Variants in VSTM4 observed in about 807,000 individuals in gnomAD.
VSTM4 encodes V-set and transmembrane domain-containing protein 4.
In VSTM4, 20 loss-of-function variants were observed where a neutral mutation model predicts 36.4. That is an observed-to-expected ratio of 0.55 (90% confidence interval 0.39 to 0.80). VSTM4 has a LOEUF of 0.80. Among genes scored for constraint, VSTM4 ranks in the 30% least tolerant of loss-of-function variants. The pLI, the probability that VSTM4 is intolerant of heterozygous loss-of-function variation, is 0.00. For synonymous variants in VSTM4, 182 were observed against 173.9 expected (o/e 1.05, Z -0.37); for missense variants, 392 against 404.5 (o/e 0.97, Z 0.26).
chr10:49,049,418 G>A lies in VSTM4; in HGVS notation c.669-834C>T, dbSNP rs116343133. ...CTGCTCCGATATGAAACTTGTTCTCGGTGCTACTCATGGGCTGGAGTTCGC... is the reference window on the plus strand; with the variant it reads ...CTGCTCCGATATGAAACTTGTTCTCAGTGCTACTCATGGGCTGGAGTTCGC... On this transcript the variant is annotated intron_variant, in intron 5 of 7. Coordinates refer to ENST00000332853, the MANE Select transcript of VSTM4 (RefSeq NM_001031746.5). Among the ~76,000 whole-genome samples, 1,606 of 152,210 alleles carry A rather than the reference G, an allele frequency of 0.011. 60 individuals are homozygous for A. The South Asian group carries it at 0.12, about 12-fold the overall frequency.
intron 2 of VSTM4, among the ~76,000 whole-genome samples, chr10:49,095,802 C>G (rs182458399): frequency 1.2e-3 from 179 of 152,324 alleles, no homozygotes; most frequent in African/African-American, 3.5e-3. Context: ...CACATCTACA[C>G]CATGGCTTCT....
rs746218144 is a variant in VSTM4, at chr10:49,107,733, C to T, written c.318G>A (p.Arg106=). ...RRRLRLLEEQ[R]GALYRLSVLT... ...AGACGGAGAGCCTGTAGAGCGCCCC[C>T]CGCTGCTCCTCCAGCAGGCGCAGCC... is the stretch of plus-strand genomic sequence containing the variant. Residue 106 remains arginine, a synonymous_variant, in exon 2 of 8, where the codon CGG becomes CGA. Transcript: ENST00000332853. 2 of 1,614,100 alleles carry T rather than the reference C, an allele frequency of 1.2e-6. No homozygotes were observed. The highest frequency in any genetic ancestry group is 8.5e-7 in the Non-Finnish European group (1 of 1,180,052).
chr10:49,089,260 A>G (rs1844429171), intron 2 of VSTM4, among the ~76,000 whole-genome samples: 1 of 152,174 alleles, frequency 6.6e-6, no homozygotes, highest in Non-Finnish European at 1.5e-5. Flanking sequence ...CCATATCCAC[A>G]CTAGCTGTCT....
intron 3 of VSTM4, among the ~76,000 whole-genome samples, chr10:49,083,758 G>C (rs1275729574): frequency 1.3e-5 from 2 of 152,226 alleles, no homozygotes; most frequent in Non-Finnish European, 1.5e-5. Context: ...TGCTGATTAT[G>C]CTGTGGGGTA....
chr10:49,036,865 G>A (rs1843439209), intron 7 of VSTM4, among the ~76,000 whole-genome samples: 1 of 152,200 alleles, frequency 6.6e-6, no homozygotes, highest in African/African-American at 2.4e-5. Context: ...GGGTCCCTCT[G>A]AACAAGGATG....
At chr10:49,085,634 TGAG>T (rs1844356547) in intron 3 of VSTM4, among the ~76,000 whole-genome samples, 2 of 152,200 alleles carry the variant, frequency 1.3e-5, no homozygotes, top group Non-Finnish European at 2.9e-5. Context: ...CATCTCACTT[TGAG>T]TAAGTTTAGA....
At chr10:49,053,040 CT>C (rs1472684940) in intron 5 of VSTM4, among the ~76,000 whole-genome samples, 2 of 152,200 alleles carry the variant, frequency 1.3e-5, no homozygotes, top group African/African-American at 4.8e-5. Flanking sequence ...TTATGATTAA[CT>C]TACAAGAAAA....
intron 7 of VSTM4, among the ~76,000 whole-genome samples, chr10:49,032,221 A>G (rs1264500465): frequency 6.6e-6 from 1 of 152,246 alleles, no homozygotes; most frequent in Non-Finnish European, 1.5e-5. Flanking sequence ...CCCTTATTAT[A>G]GTCCTCATTC....
rs1844978685 is a variant in VSTM4, at chr10:49,115,440, G to C, written c.46C>G (p.Pro16Ala). 62 of 1,045,362 alleles carry C rather than the reference G, an allele frequency of 5.9e-5. No homozygotes were observed. Among genetic ancestry groups the C allele is most frequent in the Non-Finnish European group, 7.2e-5 (62 of 863,438 alleles). The allele number at this position is 1,045,362 out of a possible 1,614,324, so 64.8% of individuals were successfully genotyped here. The change falls in exon 1 of 8, where the codon CCG (proline) becomes GCG (alanine). Residue 16 changes from proline (P) to alanine (A), a missense_variant. Pro to Ala is a conservative substitution (Grantham distance 27). Coordinates refer to ENST00000332853, the MANE Select transcript of VSTM4 (RefSeq NM_001031746.5). ...GCCCCGCCGCGCTTACCCGGAGCCG[G>C]AGCCCGCGCCAGCAGCGCGGCCGCC... ...LAAAALLARAPAPEVCAALNV... is the reference protein window; with the variant it reads ...LAAAALLARAAAPEVCAALNV...
intron 4 of VSTM4, among the ~76,000 whole-genome samples, chr10:49,068,534 A>G (rs774971761): frequency 5.9e-5 from 9 of 152,202 alleles, no homozygotes; most frequent in Non-Finnish European, 1.0e-4. Context: ...TGATGGTCCC[A>G]TTAAGAGGGA....
chr10:49,096,902 C>T (rs1331248382), intron 2 of VSTM4, among the ~76,000 whole-genome samples: 1 of 152,082 alleles, frequency 6.6e-6, no homozygotes, highest in Non-Finnish European at 1.5e-5. Context: ...ATCCACCCAC[C>T]TCAACCTCCC....
chr10:49,114,054 G>C (rs1163985384), intron 1 of VSTM4, among the ~76,000 whole-genome samples: 2 of 152,206 alleles, frequency 1.3e-5, no homozygotes, highest in Non-Finnish European at 1.5e-5. Flanking sequence ...GCCTGGGAGA[G>C]GAAGGACCAC....
intron 1 of VSTM4, among the ~76,000 whole-genome samples, chr10:49,108,978 C>T (rs559867533): frequency 6.6e-6 from 1 of 152,310 alleles, no homozygotes; most frequent in African/African-American, 2.4e-5. Flanking sequence ...CACAGCACAG[C>T]CCTCTGGCAG....
intron 5 of VSTM4, among the ~76,000 whole-genome samples, chr10:49,053,035 A>T (rs1843722557): frequency 2.0e-5 from 3 of 152,186 alleles, no homozygotes; most frequent in African/African-American, 7.2e-5. Flanking sequence ...CCACCTTATG[A>T]TTAACTTACA....
At chr10:49,023,453 G>A (rs969813191) in intron 7 of VSTM4, among the ~76,000 whole-genome samples, 2 of 152,230 alleles carry the variant, frequency 1.3e-5, no homozygotes, top group South Asian at 4.1e-4. Context: ...GTGCATTTGA[G>A]GAGAAGCTTA....
intron 5 of VSTM4, among the ~76,000 whole-genome samples, chr10:49,062,139 C>T (rs976276553): frequency 6.6e-6 from 1 of 152,184 alleles, no homozygotes; most frequent in Non-Finnish European, 1.5e-5. Context: ...GTCATTTTGC[C>T]TCACTCACTT....
At chr10:49,027,095 C>G (rs936221100) in intron 7 of VSTM4, among the ~76,000 whole-genome samples, 1 of 152,154 alleles carries the variant, frequency 6.6e-6, no homozygotes, top group Non-Finnish European at 1.5e-5. Context: ...CATTGGCGGC[C>G]ACACTCTCCT....
intron 7 of VSTM4, among the ~76,000 whole-genome samples, chr10:49,040,876 C>T (rs1843511013): frequency 1.3e-5 from 2 of 152,136 alleles, no homozygotes; most frequent in Non-Finnish European, 2.9e-5. Context: ...AGATTGGTTT[C>T]TAGACAGAGG....
intron 7 of VSTM4, among the ~76,000 whole-genome samples, chr10:49,022,863 T>G (rs747103122): frequency 3.9e-5 from 6 of 152,206 alleles, no homozygotes; most frequent in Admixed American, 1.3e-4. Context: ...TGTTTATTCT[T>G]AAGTTATTCC....
Sources: allele counts gnomAD v4.1 joint callset (sites outside exome capture counted in the v4.1 genomes callset), GRCh38; gene constraint gnomAD v4.1.1; transcripts MANE v1.5; gene names NCBI Gene and HGNC (gene_info 2026-07-23, HGNC 2026-07-21).